Variants in PCDHA10 observed in about 807,000 individuals in gnomAD.
PCDHA10 encodes the protein protocadherin alpha-10.
A neutral mutation model predicts 61.2 loss-of-function variants in PCDHA10; 45 were observed. That is an observed-to-expected ratio of 0.74 (90% CI 0.58 to 0.94). The LOEUF (loss-of-function observed/expected upper bound fraction) is 0.94, where lower values mean the gene tolerates loss of function less well. Ranked by LOEUF, PCDHA10 falls within the 40% of genes least tolerant of loss-of-function variation. PCDHA10 has a pLI of 0.00. For synonymous variants in PCDHA10, 602 were observed against 548.8 expected (o/e 1.10, Z -1.35); for missense variants, 1,278 against 1,236.2 (o/e 1.03, Z -0.51).
intron 1 of PCDHA10, among the ~76,000 whole-genome samples, chr5:140,924,976 C>T (rs1376073492): frequency 6.6e-6 from 1 of 151,048 alleles, no homozygotes; most frequent in Non-Finnish European, 1.5e-5. Context: ...TGCAGTGGCT[C>T]ATGTCTGTAA....
intron 1 of PCDHA10, chr5:140,866,572 G>A (rs1184209628): frequency 1.3e-5 from 2 of 152,168 alleles, no homozygotes; most frequent in Non-Finnish European, 2.9e-5. Context: ...TGTTAATACA[G>A]TGGTTGGATA....
chr5:140,998,855 C>T (rs544471391), intron 3 of PCDHA10, among the ~76,000 whole-genome samples: 63 of 152,320 alleles, frequency 4.1e-4, no homozygotes, highest in Admixed American at 2.1e-3. Context: ...GAGCCACATG[C>T]CTGGCCTTGT....
At position 140,946,611 on chromosome 5, in the gene PCDHA10, A is replaced by AATATATAT. The variant is rs1554217734; in HGVS notation, c.2389-32324_2389-32317dup. Among the ~76,000 whole-genome samples, 282 of 86,744 alleles carry AATATATAT rather than the reference A, an allele frequency of 3.3e-3. 10 individuals carry two copies. Among genetic ancestry groups the AATATATAT allele is most frequent in the African/African-American group, 0.015 (234 of 15,690 alleles). The allele number at this position is 86,744 out of a possible 152,430, so 56.9% of individuals were successfully genotyped here. A position where few individuals can be genotyped will look rare whatever the true frequency, so the allele number is the denominator to read the frequency against. Reference sequence around the variant, plus strand: ...GGATGAATAGATAAAGAAAATGTGAAATATATATATATATATATATACAAT... The same window carrying AATATATAT: ...GGATGAATAGATAAAGAAAATGTGAAATATATATATATATATATATATATATATACAAT... On this transcript the variant is annotated intron_variant, in intron 1 of 3. Coordinates refer to ENST00000307360, the MANE Select transcript of PCDHA10 (RefSeq NM_018901.4).
intron 1 of PCDHA10, among the ~76,000 whole-genome samples, chr5:140,912,281 A>G (rs571303094): frequency 3.3e-5 from 5 of 152,200 alleles, no homozygotes; most frequent in Non-Finnish European, 7.4e-5. Context: ...ATACCCAGGA[A>G]CAATACTTTG....
chr5:140,936,326 A>G (rs2090913771), intron 1 of PCDHA10, among the ~76,000 whole-genome samples: 1 of 152,138 alleles, frequency 6.6e-6, no homozygotes, highest in South Asian at 2.1e-4. Flanking sequence ...CATGCTATAA[A>G]TTTTCTCTAT....
intron 3 of PCDHA10, among the ~76,000 whole-genome samples, chr5:140,986,690 AAC>A (rs2097209708): frequency 6.6e-6 from 1 of 152,172 alleles, no homozygotes; most frequent in South Asian, 2.1e-4. Context: ...AAAGTTTCAA[AAC>A]ACACAGCACT....
At position 141,009,622 on chromosome 5, in the gene PCDHA10, T is replaced by C. The variant is rs782517998; in HGVS notation, c.2537-5T>C. On this transcript the variant is annotated splice_region_variant and splice_polypyrimidine_tract_variant and intron_variant, in intron 3 of 3. Coordinates refer to ENST00000307360, the MANE Select transcript of PCDHA10 (RefSeq NM_018901.4). ...GTTAATGATTTGTAATGTTTTGTCT[T>C]TCAGAACCAGAGGCAGGAGAAGTGT... is the stretch of plus-strand genomic sequence containing the variant. 6.2e-7 allele frequency: 1 copy of C among 1,612,598 alleles called. No homozygotes were observed.
intron 1 of PCDHA10, among the ~76,000 whole-genome samples, chr5:140,897,068 T>A (rs2153455202): frequency 6.6e-6 from 1 of 152,252 alleles, no homozygotes; most frequent in East Asian, 1.9e-4. Context: ...CTATGTCTTA[T>A]TCATTTTTTC....
chr5:140,884,350 G>A, intron 1 of PCDHA10: 1 of 1,613,918 alleles, frequency 6.2e-7, no homozygotes, highest in South Asian at 1.1e-5. Flanking sequence ...CGGCGCTGGT[G>A]GATGTCAATG....
intron 1 of PCDHA10, among the ~76,000 whole-genome samples, chr5:140,886,052 CT>C (rs1247635205): frequency 6.6e-6 from 1 of 152,122 alleles, no homozygotes; most frequent in Non-Finnish European, 1.5e-5. Flanking sequence ...ATAGTAACAT[CT>C]TACAAAAGCG....
intron 1 of PCDHA10, among the ~76,000 whole-genome samples, chr5:140,899,245 G>A (rs2067216472): frequency 6.6e-6 from 1 of 152,128 alleles, no homozygotes; most frequent in Non-Finnish European, 1.5e-5. Context: ...GGAGTGGTGA[G>A]AGAGGGCATC....
chr5:140,871,490 G>A (rs1554165680), intron 1 of PCDHA10: 1 of 1,590,548 alleles, frequency 6.3e-7, no homozygotes, highest in Admixed American at 1.8e-5. Context: ...AATCACCCCG[G>A]ACAGGTGAGT....
At chr5:140,996,123 G>A (rs1554255007) in intron 3 of PCDHA10, among the ~76,000 whole-genome samples, 2 of 152,238 alleles carry the variant, frequency 1.3e-5, no homozygotes, top group African/African-American at 2.4e-5. Flanking sequence ...GCAGGGTGGT[G>A]TAGAGGGTTC....
At chr5:140,899,983 T>C (rs1313036603) in intron 1 of PCDHA10, among the ~76,000 whole-genome samples, 5 of 151,754 alleles carry the variant, frequency 3.3e-5, no homozygotes, top group Non-Finnish European at 7.4e-5. Flanking sequence ...ACTTTTTTGA[T>C]TTTTTTTGTA....
chr5:140,902,650 G>C (rs868917041), intron 1 of PCDHA10, among the ~76,000 whole-genome samples: 5 of 152,138 alleles, frequency 3.3e-5, no homozygotes, highest in Admixed American at 1.3e-4. Context: ...AGATTTTGGT[G>C]CACCTGTCAC....
chr5:140,864,004 A>G (rs1042382501), intron 1 of PCDHA10: 4 of 153,124 alleles, frequency 2.6e-5, no homozygotes, highest in Non-Finnish European at 4.4e-5. Context: ...CTGTCTTAAA[A>G]AAAAAAGTAC....
chr5:140,925,641 TATAATAATA>T (rs10569930), intron 1 of PCDHA10, among the ~76,000 whole-genome samples: 3,728 of 143,338 alleles, frequency 0.026, 107 homozygotes, highest in African/African-American at 0.059. Context: ...GAACTTAAAG[TATAATAATA>T]ATAATAATAA....
At chr5:140,877,276 G>T (rs1038142877) in intron 1 of PCDHA10, 4 of 1,613,744 alleles carry the variant, frequency 2.5e-6, no homozygotes, top group Admixed American at 1.7e-5. Flanking sequence ...CGCTGACTCC[G>T]GCTATAACGC....
At chr5:140,936,242 T>C (rs2090852443) in intron 1 of PCDHA10, among the ~76,000 whole-genome samples, 1 of 152,196 alleles carries the variant, frequency 6.6e-6, no homozygotes, top group African/African-American at 2.4e-5. Flanking sequence ...AAAGAAAACA[T>C]ATCCTGCTTC....
Sources: allele counts gnomAD v4.1 joint callset (sites outside exome capture counted in the v4.1 genomes callset), GRCh38; gene constraint gnomAD v4.1.1; transcripts MANE v1.5; gene names NCBI Gene and HGNC (gene_info 2026-07-23, HGNC 2026-07-21).